PPP4R4: variants seen among roughly 807,000 people sequenced by gnomAD.
The protein encoded by PPP4R4 is serine/threonine-protein phosphatase 4 regulatory subunit 4.
Under a neutral mutation model 121.8 loss-of-function variants are expected in PPP4R4, and 70 were observed. That is an observed-to-expected ratio of 0.57 (90% confidence interval 0.47 to 0.70). PPP4R4 has a LOEUF of 0.70. Among genes scored for constraint, PPP4R4 ranks in the 30% least tolerant of loss-of-function variants. PPP4R4 has a pLI of 0.00. For missense variants in PPP4R4, 875 were observed against 1,033.6 expected (o/e 0.85, Z 2.10); for synonymous variants, 348 against 355.7 (o/e 0.98, Z 0.24).
chr14:94,235,741 G>A (rs1368444138), intron 7 of PPP4R4, among the ~76,000 whole-genome samples: 1 of 152,016 alleles, frequency 6.6e-6, no homozygotes, highest in African/African-American at 2.4e-5. Context: ...TCCAGGAGAG[G>A]CATAGCAGCC....
chr14:94,266,945 ATGT>A lies in PPP4R4; in HGVS notation c.2379-9_2379-7del. The A allele has an allele frequency of 6.6e-7, 1 of 1,518,940 alleles. No homozygotes were observed. The highest frequency in any genetic ancestry group is 9.1e-7 in the Non-Finnish European group (1 of 1,100,278). The allele number at this position is 1,518,940 out of a possible 1,614,324, so 94.1% of individuals were successfully genotyped here. On this transcript the variant is annotated splice_polypyrimidine_tract_variant and intron_variant, in intron 22 of 24. Transcript: ENST00000304338. ...GTGTTTTTGTATTTTAAACTAAATC[ATGT>A]TGTTTTCTAGTAAAAGTTCTACAAC...
At chr14:94,209,309 T>C (rs1017626878) in intron 3 of PPP4R4, among the ~76,000 whole-genome samples, 5 of 152,082 alleles carry the variant, frequency 3.3e-5, no homozygotes, top group African/African-American at 1.2e-4. Context: ...TTATGTTTGC[T>C]AATAGAGGTT....
chr14:94,251,806 T>A lies in PPP4R4; in HGVS notation c.1775T>A (p.Phe592Tyr). The A allele has an allele frequency of 6.3e-7, 1 of 1,597,182 alleles. No homozygotes were observed. Among genetic ancestry groups the A allele is most frequent in the Non-Finnish European group, 8.5e-7 (1 of 1,170,344 alleles). The change falls in exon 16 of 25, where the codon TTT (phenylalanine) becomes TAT (tyrosine). Residue 592 changes from phenylalanine to tyrosine, a missense_variant. By Grantham distance (22) the Phe-to-Tyr change is conservative. Transcript: ENST00000304338. Reference protein sequence around the residue: ...NRLRFLDTCEFIIEIFSKSFF... With the variant: ...NRLRFLDTCEYIIEIFSKSFF... ...CTTCGATTTTTGGATACCTGTGAAT[T>A]TATTATAGAGATATTTTCAAAATCA...
intron 22 of PPP4R4, 115 bp from the exon 23 acceptor site, chr14:94,266,844 G>A (rs1295509233): frequency 1.2e-5 from 8 of 675,280 alleles, no homozygotes; most frequent in African/African-American, 7.6e-5. Context: ...AGCAACAAAC[G>A]TTTCATAAGT....
At position 94,223,444 on chromosome 14, in the gene PPP4R4, A is replaced by G. The variant is rs192753854; in HGVS notation, c.295-7143A>G. Among the ~76,000 whole-genome samples, 8 of 152,294 alleles carry G rather than the reference A, an allele frequency of 5.3e-5. 1 individual carries two copies. The highest frequency in any genetic ancestry group is 1.9e-4 in the African/African-American group (8 of 41,558). ...TGTCCTCCCCTGCAAAGGACAGTCTATTCAGGACTGCCCTTATTCCCTACT... is the reference window on the plus strand; with the variant it reads ...TGTCCTCCCCTGCAAAGGACAGTCTGTTCAGGACTGCCCTTATTCCCTACT... On this transcript the variant is annotated intron_variant, in intron 3 of 24. Transcript: ENST00000304338.
At chr14:94,233,892 G>T in intron 6 of PPP4R4, 133 bp downstream of exon 6, 1 of 624,648 alleles carries the variant, frequency 1.6e-6, no homozygotes, top group Non-Finnish European at 2.7e-6. Flanking sequence ...TAACTTTATG[G>T]AATTCTCATG....
chr14:94,185,089 T>C (rs1419592432), intron 2 of PPP4R4, among the ~76,000 whole-genome samples: 1 of 152,186 alleles, frequency 6.6e-6, no homozygotes, highest in Non-Finnish European at 1.5e-5. Flanking sequence ...GTGTGTTGTA[T>C]TGGAAATAGT....
At chr14:94,244,094 A>T (rs966879397) in intron 11 of PPP4R4, among the ~76,000 whole-genome samples, 1 of 152,134 alleles carries the variant, frequency 6.6e-6, no homozygotes, top group South Asian at 2.1e-4. Flanking sequence ...AGACAAAAAA[A>T]CTACTGTCTA....
intron 3 of PPP4R4, chr14:94,227,665 T>C: frequency 9.1e-7 from 1 of 1,098,780 alleles, no homozygotes; most frequent in Non-Finnish European, 1.1e-6. Flanking sequence ...TCTTCCTTTG[T>C]ATAAAGTTTG....
At chr14:94,224,801 C>T (rs543228195) in intron 3 of PPP4R4, among the ~76,000 whole-genome samples, 7 of 152,028 alleles carry the variant, frequency 4.6e-5, no homozygotes, top group South Asian at 4.2e-4. Context: ...CATTTAAAGT[C>T]GTTGGTGTGG....
intron 2 of PPP4R4, among the ~76,000 whole-genome samples, chr14:94,191,432 G>A (rs1376607588): frequency 3.3e-5 from 5 of 152,104 alleles, no homozygotes; most frequent in Admixed American, 2.0e-4. Flanking sequence ...TGTATGCAGT[G>A]TGTAATGATC....
intron 2 of PPP4R4, among the ~76,000 whole-genome samples, chr14:94,201,197 G>GT (rs1309708385): frequency 6.6e-6 from 1 of 152,086 alleles, no homozygotes; most frequent in Non-Finnish European, 1.5e-5. Flanking sequence ...AGTACTTAAT[G>GT]TAATTTTGAT....
chr14:94,176,213 A>G, intron 2 of PPP4R4, 86 bp downstream of exon 2: 2 of 1,155,474 alleles, frequency 1.7e-6, no homozygotes, highest in Middle Eastern at 1.9e-4. Context: ...TGTTCGCGTT[A>G]TGTTCAGATT....
At chr14:94,196,061 G>C (rs962779659) in intron 2 of PPP4R4, among the ~76,000 whole-genome samples, 1 of 150,912 alleles carries the variant, frequency 6.6e-6, no homozygotes, top group Admixed American at 6.6e-5. Flanking sequence ...TTGCTTGGAT[G>C]CCCAAAGGAT....
Position 94,184,517 on chromosome 14 carries a change from G to A in PPP4R4, c.191+8390G>A, listed in dbSNP as rs896161419. On this transcript the variant is annotated intron_variant, in intron 2 of 24. Transcript: ENST00000304338. Reference sequence around the variant, plus strand: ...CAAGTGATCCACCTGCCTCAACCCCGCAAGGTGCTGGGATTATAGGTATGA... The same window carrying A: ...CAAGTGATCCACCTGCCTCAACCCCACAAGGTGCTGGGATTATAGGTATGA... 3.3e-5 allele frequency among the ~76,000 whole-genome samples: 5 copies of A among 152,034 alleles called. 1 individual carries two copies. The highest frequency in any genetic ancestry group is 2.1e-4 in the South Asian group (1 of 4,818).
intron 3 of PPP4R4, among the ~76,000 whole-genome samples, chr14:94,218,744 GCACA>G (rs144373430): frequency 0.033 from 3,622 of 110,200 alleles, 151 homozygotes; most frequent in Middle Eastern, 0.14. Flanking sequence ...GTGCGCGCGC[GCACA>G]CACACACACA....
intron 2 of PPP4R4, among the ~76,000 whole-genome samples, chr14:94,178,573 T>C (rs765471664): frequency 8.5e-5 from 13 of 152,098 alleles, no homozygotes; most frequent in Non-Finnish European, 1.6e-4. Flanking sequence ...CTGTCATCGA[T>C]AAAAAACAAA....
At chr14:94,224,733 T>C (rs1891601307) in intron 3 of PPP4R4, among the ~76,000 whole-genome samples, 3 of 152,136 alleles carry the variant, frequency 2.0e-5, no homozygotes. Flanking sequence ...GAGTTGTATA[T>C]ACGGATGTGA....
intron 2 of PPP4R4, among the ~76,000 whole-genome samples, chr14:94,203,870 A>G (rs1412784010): frequency 1.3e-5 from 2 of 152,048 alleles, no homozygotes; most frequent in Non-Finnish European, 2.9e-5. Context: ...TCTTTTACCC[A>G]TTTTTGAATT....
Sources: allele counts gnomAD v4.1 joint callset (sites outside exome capture counted in the v4.1 genomes callset), GRCh38; gene constraint gnomAD v4.1.1; transcripts MANE v1.5; gene names NCBI Gene and HGNC (gene_info 2026-07-23, HGNC 2026-07-21).